LCN1: variants seen among roughly 807,000 people sequenced by gnomAD.
LCN1 encodes the protein lipocalin-1.
Under a neutral mutation model 22.3 loss-of-function variants are expected in LCN1, and 25 were observed. That is an observed-to-expected ratio of 1.12 (90% CI 0.82 to 1.56). The LOEUF (loss-of-function observed/expected upper bound fraction) is 1.56, where lower values mean the gene tolerates loss of function less well. Ranked by LOEUF, LCN1 falls within the 40% of genes most tolerant of loss-of-function variation. The pLI, the probability that LCN1 is intolerant of heterozygous loss-of-function variation, is 0.00. For missense variants in LCN1, 219 were observed against 235.6 expected (o/e 0.93, Z 0.46); for synonymous variants, 85 against 97.6 (o/e 0.87, Z 0.76).
intron 5 of LCN1, 99 bp downstream of exon 5, chr9:135,525,030 G>A: frequency 6.4e-7 from 1 of 1,563,610 alleles, no homozygotes; most frequent in Non-Finnish European, 8.8e-7. Context: ...TCTAATTCTG[G>A]CTTTGTCCTT....
At chr9:135,521,717 G>A (rs1029110788) in intron 1 of LCN1, 130 bp downstream of exon 1, 15 of 810,660 alleles carry the variant, frequency 1.9e-5, no homozygotes, top group East Asian at 2.8e-5. Context: ...CTGCCCTGAG[G>A]GAATGGTGGG....
At chr9:135,523,158 T>C (rs1263967403) in intron 2 of LCN1, 74 bp from the exon 3 acceptor site, 1 of 1,393,650 alleles carries the variant, frequency 7.2e-7, no homozygotes, top group Non-Finnish European at 9.9e-7. Flanking sequence ...TTGCAGGGCA[T>C]TGCAGCATGG....
At chr9:135,526,018 C>A (rs1831635887) in intron 6 of LCN1, among the ~76,000 whole-genome samples, 1 of 132,074 alleles carries the variant, frequency 7.6e-6, no homozygotes, top group Non-Finnish European at 1.6e-5. Flanking sequence ...CCACCATAGC[C>A]CCCGAGAGCC....
intron 6 of LCN1, 81 bp downstream of exon 6, chr9:135,525,239 C>G: frequency 7.5e-7 from 1 of 1,337,640 alleles, no homozygotes; most frequent in Non-Finnish European, 1.0e-6. Flanking sequence ...TGGGGTCTCT[C>G]CCACCCATCC....
chr9:135,524,448 A>G (rs1266842038), intron 4 of LCN1, among the ~76,000 whole-genome samples: 1 of 152,194 alleles, frequency 6.6e-6, no homozygotes, highest in Admixed American at 6.5e-5. Context: ...TGTCCCTGTC[A>G]GAGGACGAGG....
intron 4 of LCN1, among the ~76,000 whole-genome samples, chr9:135,524,545 G>T (rs956013275): frequency 6.6e-6 from 1 of 152,174 alleles, no homozygotes; most frequent in Non-Finnish European, 1.5e-5. Flanking sequence ...GGGGAGAGGC[G>T]CTTCCTCCAG....
intron 5 of LCN1, 45 bp from the exon 6 acceptor site, chr9:135,525,087 T>G (rs1831599439): frequency 5.0e-6 from 8 of 1,607,184 alleles, no homozygotes; most frequent in Non-Finnish European, 6.8e-6. Flanking sequence ...CGGTCCTGAC[T>G]GCATTCCTGG....
At chr9:135,526,305 T>G in intron 6 of LCN1, 39 bp from the exon 7 acceptor site, 6 of 431,942 alleles carry the variant, frequency 1.4e-5, no homozygotes, top group South Asian at 5.5e-5. Context: ...CCTCCCACCC[T>G]TGCTGTCCTG....
rs765296041 is a variant in LCN1, at chr9:135,524,916, A to G, written c.490A>G (p.Ile164Val). 2.5e-6 allele frequency: 4 copies of G among 1,606,554 alleles called. No homozygotes were observed. Among genetic ancestry groups the G allele is most frequent in the Admixed American group, 3.4e-5 (2 of 59,050 alleles). Residue 164 changes from isoleucine to valine, a missense_variant, in exon 5 of 7, where the codon ATC (isoleucine) becomes GTC (valine). Coordinates refer to ENST00000371781, the MANE Select transcript of LCN1 (RefSeq NM_002297.4). ...CGGACTCAGCACGGAGAGCATCCTC[A>G]TCCCCAGGCAGAGCGGTAGGAGGCA... ...ARGLSTESIL[I>V]PRQSETCSPG...
chr9:135,524,991 G>T (rs1415547708), intron 5 of LCN1, 60 bp downstream of exon 5: 4 of 1,556,510 alleles, frequency 2.6e-6, no homozygotes, highest in Non-Finnish European at 3.5e-6. Flanking sequence ...CAGCAGAGCT[G>T]CATTGCACGG....
intron 4 of LCN1, 29 bp downstream of exon 4, chr9:135,524,019 C>A: frequency 6.5e-7 from 1 of 1,547,138 alleles, no homozygotes. Flanking sequence ...CCCTGCAACC[C>A]ATGCCTCCAC....
intron 3 of LCN1, among the ~76,000 whole-genome samples, chr9:135,523,517 C>T (rs1181449482): frequency 1.3e-5 from 2 of 152,218 alleles, no homozygotes; most frequent in East Asian, 1.9e-4. Context: ...TGTCCCGGGG[C>T]GGACCCTCTG....
rs1019617581 is a variant in LCN1 at position 135,526,326 on chromosome 9, C to T, written c.*2-18C>T. The stretch of plus-strand genomic sequence containing the variant: ...ACCCTTGCTGTCCTGGCCTCACTCA[C>T]CCTCCCCCCCTTTCCAGGGCAGGGG... On this transcript the variant is annotated intron_variant, in intron 6 of 6. Transcript: ENST00000371781. 10 of 1,228,958 alleles carry T rather than the reference C, an allele frequency of 8.1e-6. No individual in the cohort carries two copies. The highest frequency in any genetic ancestry group is 1.0e-5 in the Non-Finnish European group (10 of 954,238). The allele number at this position is 1,228,958 out of a possible 1,614,324, so 76.1% of individuals were successfully genotyped here.
intron 5 of LCN1, 54 bp from the exon 6 acceptor site, chr9:135,525,078 G>T: frequency 6.2e-7 from 1 of 1,601,012 alleles, no homozygotes; most frequent in Non-Finnish European, 8.5e-7. Flanking sequence ...GAGGGGCCCC[G>T]GTCCTGACTG....
intron 1 of LCN1, among the ~76,000 whole-genome samples, 184 bp from the exon 2 acceptor site, chr9:135,521,863 G>C (rs1386838859): frequency 1.3e-5 from 2 of 152,078 alleles, no homozygotes; most frequent in Non-Finnish European, 2.9e-5. Flanking sequence ...GCTGGCTTGT[G>C]GGGGCTGGAG....
intron 5 of LCN1, 24 bp downstream of exon 5, chr9:135,524,955 C>G (rs747633235): frequency 3.8e-6 from 6 of 1,586,400 alleles, no homozygotes; most frequent in Middle Eastern, 2.1e-4. Flanking sequence ...CCCTGCAGAG[C>G]CCCCCATGTC....
intron 5 of LCN1, 39 bp downstream of exon 5, chr9:135,524,970 C>T (rs777140743): frequency 4.4e-6 from 7 of 1,579,142 alleles, no homozygotes; most frequent in East Asian, 2.2e-5. Context: ...CATGTCCCCG[C>T]GTGGGGACAT....
chr9:135,523,180 C>T, intron 2 of LCN1, 52 bp from the exon 3 acceptor site: 1 of 1,550,364 alleles, frequency 6.5e-7, no homozygotes, highest in Non-Finnish European at 8.8e-7. Context: ...TGCTCCAGGG[C>T]CGGGGGAGGC....
intron 6 of LCN1, 102 bp downstream of exon 6, chr9:135,525,260 T>C: frequency 8.5e-7 from 1 of 1,183,212 alleles, no homozygotes; most frequent in South Asian, 1.5e-5. Flanking sequence ...CACTCCTACC[T>C]GGGTGGGAGA....
Sources: allele counts gnomAD v4.1 joint callset (sites outside exome capture counted in the v4.1 genomes callset), GRCh38; gene constraint gnomAD v4.1.1; transcripts MANE v1.5; gene names NCBI Gene and HGNC (gene_info 2026-07-23, HGNC 2026-07-21).